The following ABI3BP variants were observed in gnomAD, a reference collection of about 807,000 sequenced individuals.
ABI3BP encodes the protein ABI family member 3 binding protein.
Under a neutral mutation model 268.6 loss-of-function variants are expected in ABI3BP, and 216 were observed. That is an observed-to-expected ratio of 0.80 (90% confidence interval 0.72 to 0.90). The LOEUF (loss-of-function observed/expected upper bound fraction) is 0.90. Among genes scored for constraint, ABI3BP ranks in the 40% least tolerant of loss-of-function variants. ABI3BP has a pLI of 0.00. For missense variants in ABI3BP, 2,090 were observed against 2,182.4 expected (o/e 0.96, Z 0.84); for synonymous variants, 730 against 730.0 (o/e 1.00, Z 0.00).
At chr3:100,942,789 C>T (rs934754428) in intron 1 of ABI3BP, among the ~76,000 whole-genome samples, 6 of 151,996 alleles carry the variant, frequency 3.9e-5, no homozygotes, top group Non-Finnish European at 7.4e-5. Context: ...ATCTGTATTT[C>T]GACAAGCTGT....
At chr3:100,850,925 C>CT (rs761533373) in intron 15 of ABI3BP, among the ~76,000 whole-genome samples, 191 bp from the exon 16 acceptor site, 1 of 152,130 alleles carries the variant, frequency 6.6e-6, no homozygotes, top group Non-Finnish European at 1.5e-5. Context: ...AACATACATA[C>CT]TTTAAATATT....
intron 21 of ABI3BP, among the ~76,000 whole-genome samples, 157 bp from the exon 22 acceptor site, chr3:100,841,015 A>G (rs576279875): frequency 4.5e-4 from 69 of 152,262 alleles, no homozygotes; most frequent in African/African-American, 1.4e-3. Context: ...TTCTACTTCA[A>G]TAGATTCCTG....
chr3:100,753,415 A>G (rs2095443487), intron 65 of ABI3BP, among the ~76,000 whole-genome samples: 1 of 151,516 alleles, frequency 6.6e-6, no homozygotes, highest in Non-Finnish European at 1.5e-5. Flanking sequence ...CCTCCCAAGT[A>G]GCTAGGACCA....
chr3:100,829,540 G>A, intron 33 of ABI3BP, 41 bp downstream of exon 33: 2 of 1,494,586 alleles, frequency 1.3e-6, no homozygotes, highest in South Asian at 1.2e-5. Flanking sequence ...TCCCACTGGG[G>A]TGGGCTGTTA....
chr3:100,814,756 T>C (rs2097968145), intron 44 of ABI3BP, among the ~76,000 whole-genome samples: 2 of 152,140 alleles, frequency 1.3e-5, no homozygotes, highest in Non-Finnish European at 2.9e-5. Flanking sequence ...ATTGTCTTCT[T>C]AAGCAAAAGT....
In ABI3BP at chr3:100,750,107, A is replaced by C; in HGVS notation, c.*388T>G. The C allele has an allele frequency of 4.3e-6, 1 of 230,836 alleles. No individual in the cohort carries two copies. The highest frequency in any genetic ancestry group is 8.3e-6 in the Non-Finnish European group (1 of 120,776). 14.3% of individuals were successfully genotyped at this position (230,836 alleles called of 1,614,324 possible). A position where few individuals can be genotyped will look rare whatever the true frequency, so the allele number is the denominator to read the frequency against. ...AGATTTATGGAATTAACTCATCAAT[A>C]GGAAGAGTACACATCAATAAAAGTA... is the stretch of plus-strand genomic sequence containing the variant. On this transcript the variant is annotated 3_prime_UTR_variant, in exon 68 of 68. Coordinates refer to ENST00000471714, the MANE Select transcript of ABI3BP (RefSeq NM_001375547.2).
intron 1 of ABI3BP, among the ~76,000 whole-genome samples, chr3:100,932,235 A>G (rs762329205): frequency 1.3e-5 from 2 of 152,048 alleles, no homozygotes; most frequent in Non-Finnish European, 2.9e-5. Context: ...TGTAAAACCT[A>G]AAACTATAAA....
chr3:100,894,097 A>G (rs963361650), intron 4 of ABI3BP, among the ~76,000 whole-genome samples: 4 of 152,154 alleles, frequency 2.6e-5, no homozygotes, highest in African/African-American at 9.7e-5. Flanking sequence ...GATTGGGAAC[A>G]TTAGTGTGAA....
chr3:100,953,928 C>T (rs957963240), intron 1 of ABI3BP, among the ~76,000 whole-genome samples: 8 of 152,176 alleles, frequency 5.3e-5, no homozygotes, highest in Non-Finnish European at 1.0e-4. Context: ...CTTGGAAACT[C>T]GGAGTTGGGA....
intron 59 of ABI3BP, among the ~76,000 whole-genome samples, 184 bp from the exon 60 acceptor site, chr3:100,775,519 G>T (rs1264179670): frequency 6.6e-6 from 1 of 152,114 alleles, no homozygotes. Context: ...GTATATCAGA[G>T]CATTATTATA....
At chr3:100,865,011 A>G in intron 10 of ABI3BP, 104 bp from the exon 11 acceptor site, 1 of 847,164 alleles carries the variant, frequency 1.2e-6, no homozygotes. Flanking sequence ...TGATATTTGT[A>G]TAGCCCATTT....
At chr3:100,868,894 A>C (rs1197542062) in intron 9 of ABI3BP, among the ~76,000 whole-genome samples, 1 of 151,756 alleles carries the variant, frequency 6.6e-6, no homozygotes, top group Non-Finnish European at 1.5e-5. Context: ...AACCATTCTG[A>C]TTGTCAACAC....
intron 63 of ABI3BP, among the ~76,000 whole-genome samples, chr3:100,758,246 G>A (rs2095741545): frequency 6.6e-6 from 1 of 152,172 alleles, no homozygotes; most frequent in South Asian, 2.1e-4. Flanking sequence ...ACCTCTCTGA[G>A]CTTCAGTTTA....
At chr3:100,810,352 A>G in intron 49 of ABI3BP, 60 bp downstream of exon 49, 1 of 1,396,466 alleles carries the variant, frequency 7.2e-7, no homozygotes, top group Non-Finnish European at 9.8e-7. Flanking sequence ...TCTTGAGGTG[A>G]CCATACTGAC....
chr3:100,799,491 A>C (rs1478302150), intron 51 of ABI3BP, among the ~76,000 whole-genome samples: 1 of 152,260 alleles, frequency 6.6e-6, no homozygotes, highest in East Asian at 1.9e-4. Flanking sequence ...TAAAATCTGG[A>C]AACTGCTAAT....
rs1487615801 is a variant in ABI3BP, at chr3:100,795,029, GT to G, written c.3866-27del. On this transcript the variant is annotated intron_variant, in intron 53 of 67. Coordinates refer to ENST00000471714, the MANE Select transcript of ABI3BP (RefSeq NM_001375547.2). ...CTGCAAAAAGAAAAGGACCAAGGTT[GT>G]AAATTTTTAGATTCAAAGCCAGCAC... is the stretch of plus-strand genomic sequence containing the variant. 13 of 1,394,886 alleles carry G rather than the reference GT, an allele frequency of 9.3e-6. No individual in the cohort carries two copies. The East Asian group carries it at 3.4e-4, about 37-fold the overall frequency. The allele number at this position is 1,394,886 out of a possible 1,614,324, so 86.4% of individuals were successfully genotyped here.
At chr3:100,886,418 G>A in intron 4 of ABI3BP, 95 bp from the exon 5 acceptor site, 1 of 931,230 alleles carries the variant, frequency 1.1e-6, no homozygotes, top group Non-Finnish European at 1.5e-6. Flanking sequence ...CAACCAACTT[G>A]GGATACTATT....
At chr3:100,767,115 T>A (rs533193054) in intron 62 of ABI3BP, among the ~76,000 whole-genome samples, 2 of 152,210 alleles carry the variant, frequency 1.3e-5, no homozygotes, top group South Asian at 4.2e-4. Context: ...ACCCAGCTAA[T>A]TTTTTGTAGA....
chr3:100,778,690 T>A (rs765327988), intron 58 of ABI3BP: 59 of 269,344 alleles, frequency 2.2e-4, no homozygotes, highest in Non-Finnish European at 4.0e-4. Flanking sequence ...GATGGAAAAT[T>A]TTTTTAAAAA....
Sources: allele counts gnomAD v4.1 joint callset (sites outside exome capture counted in the v4.1 genomes callset), GRCh38; gene constraint gnomAD v4.1.1; transcripts MANE v1.5; gene names NCBI Gene and HGNC (gene_info 2026-07-23, HGNC 2026-07-21).